PXDNL: variants seen among roughly 807,000 people sequenced by gnomAD.
PXDNL encodes the protein peroxidasin like.
In PXDNL, 145 loss-of-function variants were observed where a neutral mutation model predicts 150.8. The observed-to-expected ratio is 0.96, with a 90% CI of 0.84 to 1.10. The LOEUF (loss-of-function observed/expected upper bound fraction) is 1.10. Ranked by LOEUF, PXDNL falls within the 50% of genes least tolerant of loss-of-function variation. PXDNL has a pLI of 0.00. For synonymous variants in PXDNL, 757 were observed against 725.7 expected (o/e 1.04, Z -0.69); for missense variants, 2,087 against 1,873.9 (o/e 1.11, Z -2.10).
intron 3 of PXDNL, among the ~76,000 whole-genome samples, chr8:51,562,338 T>G (rs1812735306): frequency 6.6e-6 from 1 of 151,942 alleles, no homozygotes; most frequent in African/African-American, 2.4e-5. Context: ...TATCCCTCCA[T>G]GCTTCATTAA....
chr8:51,570,261 C>G (rs1812906128), intron 3 of PXDNL, among the ~76,000 whole-genome samples: 2 of 151,564 alleles, frequency 1.3e-5, no homozygotes, highest in Admixed American at 6.6e-5. Context: ...GCTGTGGGTT[C>G]CACTAGGTAA....
At chr8:51,613,844 T>C (rs1472281892) in intron 2 of PXDNL, among the ~76,000 whole-genome samples, 2 of 152,208 alleles carry the variant, frequency 1.3e-5, no homozygotes, top group Admixed American at 1.3e-4. Flanking sequence ...TAAGTGAAAG[T>C]CAAGGAACTA....
intron 21 of PXDNL, among the ~76,000 whole-genome samples, chr8:51,335,682 T>TACACACACACACACACACACAC (rs3040925): frequency 7.3e-6 from 1 of 137,494 alleles, no homozygotes; most frequent in Non-Finnish European, 1.6e-5. Flanking sequence ...TTATATACCC[T>TACACACACACACACACACACAC]ACACACACAC....
At chr8:51,525,223 C>T (rs561637123) in intron 4 of PXDNL, among the ~76,000 whole-genome samples, 1 of 152,232 alleles carries the variant, frequency 6.6e-6, no homozygotes, top group Admixed American at 6.5e-5. Flanking sequence ...CTCTGACCCG[C>T]TCATGATTTC....
chr8:51,763,096 A>G (rs1422580176), intron 1 of PXDNL, among the ~76,000 whole-genome samples: 1 of 152,040 alleles, frequency 6.6e-6, no homozygotes, highest in Non-Finnish European at 1.5e-5. Flanking sequence ...TAATTCCCCC[A>G]TTATCCCTTA....
At chr8:51,322,710 T>C (rs983714747) in intron 21 of PXDNL, among the ~76,000 whole-genome samples, 19 of 152,174 alleles carry the variant, frequency 1.2e-4, no homozygotes, top group African/African-American at 4.3e-4. Flanking sequence ...AAAATCACGA[T>C]GAACTCAGAC....
At chr8:51,333,643 G>A (rs1805755181) in intron 21 of PXDNL, among the ~76,000 whole-genome samples, 1 of 152,066 alleles carries the variant, frequency 6.6e-6, no homozygotes, top group Non-Finnish European at 1.5e-5. Flanking sequence ...TTAAAGTAAA[G>A]GGGTGGAAAA....
chr8:51,495,644 A>G (rs1426524384), intron 5 of PXDNL, among the ~76,000 whole-genome samples: 2 of 152,244 alleles, frequency 1.3e-5, no homozygotes, highest in Non-Finnish European at 2.9e-5. Context: ...AGAGAATACT[A>G]TAAACACCTC....
chr8:51,479,999 G>C (rs1161972706), intron 6 of PXDNL, among the ~76,000 whole-genome samples: 3 of 152,098 alleles, frequency 2.0e-5, no homozygotes, highest in Non-Finnish European at 2.9e-5. Context: ...CAAGAAAGAA[G>C]GAAATAAAGA....
At chr8:51,542,508 AAAG>A (rs747814803) in intron 4 of PXDNL, among the ~76,000 whole-genome samples, 1 of 150,262 alleles carries the variant, frequency 6.7e-6, no homozygotes, top group African/African-American at 2.5e-5. Flanking sequence ...AAAAAAAAAA[AAAG>A]AGAGAGAGAG....
At chr8:51,416,295 T>C (rs1481775004) in intron 14 of PXDNL, among the ~76,000 whole-genome samples, 1 of 152,250 alleles carries the variant, frequency 6.6e-6, no homozygotes, top group Admixed American at 6.5e-5. Context: ...CTTAAAAGGC[T>C]ATTCACAATG....
chr8:51,655,661 C>T lies in PXDNL; in HGVS notation c.165-901G>A, dbSNP rs150609243. Among the ~76,000 whole-genome samples the T allele has an allele frequency of 5.3e-5, 8 of 152,272 alleles. No individual in the cohort carries two copies. The East Asian group carries it at 1.2e-3, about 22-fold the overall frequency. Reference sequence around the variant, plus strand: ...TGGTTAACTGGGGGCAGCATCTCCACGGGCATACTGTTTCTTCCATGGGGA... The same window carrying T: ...TGGTTAACTGGGGGCAGCATCTCCATGGGCATACTGTTTCTTCCATGGGGA... On this transcript the variant is annotated intron_variant, in intron 1 of 22. Coordinates refer to ENST00000356297, the MANE Select transcript of PXDNL (RefSeq NM_144651.5).
rs1206227762 is a variant in PXDNL at position 51,719,633 on chromosome 8, T to C, written c.165-64873A>G. On this transcript the variant is annotated intron_variant, in intron 1 of 22. Transcript: ENST00000356297. The stretch of plus-strand genomic sequence containing the variant: ...CTCTGCGAGAAACACCCAAGAATGA[T>C]CAATTTAAAAAAAAAAAAAAAACTA... Among the ~76,000 whole-genome samples, 4 of 146,018 alleles carry C rather than the reference T, an allele frequency of 2.7e-5. No homozygotes were observed. In the East Asian group the frequency reaches 6.0e-4, roughly 22 times the overall value.
chr8:51,498,601 G>A (rs1811110534), intron 5 of PXDNL, among the ~76,000 whole-genome samples: 1 of 152,000 alleles, frequency 6.6e-6, no homozygotes, highest in African/African-American at 2.4e-5. Flanking sequence ...CATTCATCTG[G>A]AAAAGTGTAG....
At chr8:51,718,468 G>A (rs899964367) in intron 1 of PXDNL, among the ~76,000 whole-genome samples, 4 of 152,136 alleles carry the variant, frequency 2.6e-5, no homozygotes, top group African/African-American at 4.8e-5. Flanking sequence ...TCATCTTTTT[G>A]GTTTTCTTCT....
At chr8:51,606,233 T>C (rs1214823736) in intron 2 of PXDNL, among the ~76,000 whole-genome samples, 1 of 152,168 alleles carries the variant, frequency 6.6e-6, no homozygotes, top group Non-Finnish European at 1.5e-5. Context: ...GTTTTAGACA[T>C]AAAGAGATCT....
chr8:51,473,902 G>C (rs1287406494), intron 7 of PXDNL, among the ~76,000 whole-genome samples: 1 of 152,128 alleles, frequency 6.6e-6, no homozygotes, highest in Non-Finnish European at 1.5e-5. Flanking sequence ...ATTAAGATGT[G>C]TTTTTAAACA....
chr8:51,766,603 T>C (rs905382342), intron 1 of PXDNL, among the ~76,000 whole-genome samples: 1 of 152,220 alleles, frequency 6.6e-6, no homozygotes, highest in Non-Finnish European at 1.5e-5. Flanking sequence ...CTTTGCTGGA[T>C]ATGCAATTGT....
At chr8:51,403,884 T>C (rs908439104) in intron 17 of PXDNL, among the ~76,000 whole-genome samples, 9 of 152,210 alleles carry the variant, frequency 5.9e-5, no homozygotes, top group African/African-American at 2.2e-4. Context: ...CGGTGAGTGT[T>C]ACAGGTCTTA....
Sources: gnomAD v4.1 joint callset for allele counts (sites outside exome capture counted in the v4.1 genomes callset) on GRCh38, gnomAD v4.1.1 for gene constraint, MANE v1.5 for transcripts, NCBI Gene and HGNC (gene_info 2026-07-23, HGNC 2026-07-21) for gene names.